The following SAMMSON variants were observed in gnomAD, a reference collection of about 807,000 sequenced individuals.
SAMMSON encodes long intergenic non-protein coding RNA 1212.
intron 4 of SAMMSON, among the ~76,000 whole-genome samples, chr3:70,100,614 A>G (rs553166883): frequency 1.3e-4 from 20 of 152,274 alleles, no homozygotes; most frequent in Middle Eastern, 3.4e-3. Context: ...AATCTTTTCC[A>G]AATGGAACTC....
intron 3 of SAMMSON, among the ~76,000 whole-genome samples, chr3:70,060,755 T>C (rs756571054): frequency 2.0e-5 from 3 of 152,118 alleles, no homozygotes; most frequent in South Asian, 4.1e-4. Context: ...CAATAGTGCT[T>C]CAGTACCCTG....
At chr3:70,022,172 C>T (rs147033491) in intron 3 of SAMMSON, among the ~76,000 whole-genome samples, 2 of 151,034 alleles carry the variant, frequency 1.3e-5, no homozygotes, top group African/African-American at 4.9e-5. Context: ...GGGATTTCTA[C>T]AAACCGATTC....
At chr3:70,397,315 G>GT (rs1444086757) in intron 2 of SAMMSON, among the ~76,000 whole-genome samples, 1 of 151,758 alleles carries the variant, frequency 6.6e-6, no homozygotes, top group African/African-American at 2.4e-5. Flanking sequence ...TCTTCTTTTT[G>GT]TTTTTTTGGG....
chr3:70,341,933 T>C (rs2106729257), intron 7 of SAMMSON, among the ~76,000 whole-genome samples: 1 of 152,292 alleles, frequency 6.6e-6, no homozygotes, highest in African/African-American at 2.4e-5. Flanking sequence ...TTGATAGATA[T>C]CCCTGGGAAT....
At chr3:70,265,816 G>C (rs1445123494) in intron 6 of SAMMSON, among the ~76,000 whole-genome samples, 1 of 152,186 alleles carries the variant, frequency 6.6e-6, no homozygotes, top group African/African-American at 2.4e-5. Flanking sequence ...CAGGGTGGCA[G>C]GAGAGAGAAT....
intron 3 of SAMMSON, among the ~76,000 whole-genome samples, chr3:70,020,637 C>A (rs1348703945): frequency 6.6e-6 from 1 of 152,106 alleles, no homozygotes; most frequent in Non-Finnish European, 1.5e-5. Flanking sequence ...TTTCTCTTCG[C>A]CTTCTAATCA....
chr3:70,391,567 T>C (rs1180282203), downstream of SAMMSON, among the ~76,000 whole-genome samples: 2 of 152,178 alleles, frequency 1.3e-5, no homozygotes, highest in Non-Finnish European at 2.9e-5. Context: ...ATGTGCATAA[T>C]TGTTTGTGTT....
At chr3:70,121,074 C>G (rs2067430903) in intron 4 of SAMMSON, among the ~76,000 whole-genome samples, 1 of 152,196 alleles carries the variant, frequency 6.6e-6, no homozygotes, top group Admixed American at 6.5e-5. Flanking sequence ...GCATTAGATT[C>G]TCACAAGGAG....
chr3:70,213,206 C>G (rs1361046096), intron 4 of SAMMSON, among the ~76,000 whole-genome samples: 1 of 152,108 alleles, frequency 6.6e-6, no homozygotes, highest in Non-Finnish European at 1.5e-5. Flanking sequence ...CTCCTGGGCT[C>G]AAGTGATCCT....
intron 4 of SAMMSON, among the ~76,000 whole-genome samples, chr3:70,180,553 G>C (rs556683615): frequency 6.6e-6 from 1 of 152,164 alleles, no homozygotes; most frequent in South Asian, 2.1e-4. Flanking sequence ...TTACAAGCCT[G>C]GGTCTCTTTT....
intron 9 of SAMMSON, among the ~76,000 whole-genome samples, chr3:70,388,083 C>T (rs528479624): frequency 1.3e-5 from 2 of 152,172 alleles, no homozygotes; most frequent in African/African-American, 2.4e-5. Flanking sequence ...CAGGAAATAT[C>T]GTTCTTAGTG....
At chr3:70,375,642 G>A (rs1575636494) in intron 9 of SAMMSON, among the ~76,000 whole-genome samples, 2 of 152,190 alleles carry the variant, frequency 1.3e-5, no homozygotes, top group South Asian at 2.1e-4. Context: ...ATATCAACAG[G>A]ATTATTTGCA....
intron 7 of SAMMSON, among the ~76,000 whole-genome samples, chr3:70,337,573 G>A (rs1281571508): frequency 6.6e-6 from 1 of 151,864 alleles, no homozygotes; most frequent in Non-Finnish European, 1.5e-5. Context: ...TAGATATTTT[G>A]CAATCTTTAT....
At chr3:70,177,434 A>G (rs559210783) in intron 4 of SAMMSON, among the ~76,000 whole-genome samples, 1 of 152,348 alleles carries the variant, frequency 6.6e-6, no homozygotes, top group African/African-American at 2.4e-5. Flanking sequence ...GGTCATAGTC[A>G]AATGAAAGGA....
chr3:70,164,480 A>T (rs2067628755), intron 4 of SAMMSON, among the ~76,000 whole-genome samples: 1 of 152,078 alleles, frequency 6.6e-6, no homozygotes, highest in Admixed American at 6.6e-5. Flanking sequence ...TACTTATTGC[A>T]TGAATTCTGT....
chr3:70,083,591 C>T (rs1306051566), intron 4 of SAMMSON, among the ~76,000 whole-genome samples: 4 of 152,118 alleles, frequency 2.6e-5, no homozygotes, highest in Non-Finnish European at 5.9e-5. Flanking sequence ...TGCCTCTGGG[C>T]GTTGAGGGCA....
intron 7 of SAMMSON, among the ~76,000 whole-genome samples, chr3:70,341,713 C>T (rs951021787): frequency 9.9e-5 from 15 of 152,120 alleles, no homozygotes; most frequent in African/African-American, 3.4e-4. Context: ...TTTTTGTCCA[C>T]GAGGACATAA....
At chr3:70,235,488 G>A (rs115307687) in intron 4 of SAMMSON, among the ~76,000 whole-genome samples, 195 of 152,314 alleles carry the variant, frequency 1.3e-3, no homozygotes, top group Non-Finnish European at 2.6e-3. Context: ...ATTGTTGAAT[G>A]AATGTTAAAC....
chr3:70,424,953 A>G (rs1281399911), intron 2 of SAMMSON: 1 of 152,278 alleles, frequency 6.6e-6, no homozygotes, highest in Non-Finnish European at 1.5e-5. Flanking sequence ...AAGAAGAAAG[A>G]GGAGGAGGAG....
Sources: allele counts gnomAD v4.1 joint callset (sites outside exome capture counted in the v4.1 genomes callset), GRCh38; gene constraint gnomAD v4.1.1; transcripts MANE v1.5; gene names NCBI Gene and HGNC (gene_info 2026-07-23, HGNC 2026-07-21).